The following FAT3 variants were observed in gnomAD, a reference collection of about 807,000 sequenced individuals.
The protein encoded by FAT3 is FAT atypical cadherin 3.
A neutral mutation model predicts 310.2 loss-of-function variants in FAT3; 95 were observed. That is an observed-to-expected ratio of 0.31 (90% confidence interval 0.26 to 0.36). The LOEUF is 0.36. Ranked by LOEUF, FAT3 falls within the 10% of genes least tolerant of loss-of-function variation. The probability of loss-of-function intolerance (pLI) is 1.00; values close to 1 mark genes in which losing one functional copy is unlikely to be tolerated. For missense variants in FAT3, 5,408 were observed against 5,715.6 expected, an observed-to-expected ratio of 0.95 and a Z score of 1.74; for synonymous variants, 2,314 against 2,192.9, an observed-to-expected ratio of 1.06 and a Z score of -1.54.
At position 92,353,459 on chromosome 11, in the gene FAT3, CAAGG is replaced by C. The variant is rs1948629290; in HGVS notation, c.1353_1356del (p.Gly452IlefsTer2). 6.2e-7 allele frequency: 1 copy of C among 1,613,466 alleles called. No homozygotes were observed. The highest frequency in any genetic ancestry group is 8.5e-7 in the Non-Finnish European group (1 of 1,179,756). On this transcript the variant is annotated frameshift_variant, in exon 2 of 28. Transcript: ENST00000525166. LOFTEE classifies it high-confidence loss of function. ...AGGTTTATAAACTGGAGGTGACAAA[CAAGG>C]AAGGAGATTTAAAAGCACAGGTCAC...
intron 1 of FAT3, among the ~76,000 whole-genome samples, chr11:92,291,030 A>G (rs1258596878): frequency 1.3e-5 from 2 of 151,468 alleles, no homozygotes; most frequent in African/African-American, 4.8e-5. Flanking sequence ...AACCATAGCA[A>G]AAATATCTAA....
At chr11:92,315,475 G>GTATA (rs1555009254) in intron 1 of FAT3, among the ~76,000 whole-genome samples, 32 of 76,636 alleles carry the variant, frequency 4.2e-4, no homozygotes, top group African/African-American at 1.8e-3. Context: ...GTGTGTGTGT[G>GTATA]TGTGTATATA....
intron 3 of FAT3, among the ~76,000 whole-genome samples, chr11:92,531,630 C>T (rs1591410311): frequency 6.6e-6 from 1 of 152,190 alleles, no homozygotes; most frequent in East Asian, 1.9e-4. Flanking sequence ...TCTTGCTAAC[C>T]CACTGAGAAC....
intron 7 of FAT3, among the ~76,000 whole-genome samples, chr11:92,785,488 G>A (rs1248137543): frequency 6.6e-6 from 1 of 151,752 alleles, no homozygotes; most frequent in Non-Finnish European, 1.5e-5. Context: ...TCAAAAGACT[G>A]AAAGGAAAAA....
chr11:92,820,109 T>G (rs1427941926), intron 13 of FAT3, among the ~76,000 whole-genome samples: 6 of 152,222 alleles, frequency 3.9e-5, no homozygotes, highest in African/African-American at 1.4e-4. Flanking sequence ...CAATGCTTTC[T>G]GTATTAGTCT....
chr11:92,579,187 G>A (rs972051850), intron 3 of FAT3, among the ~76,000 whole-genome samples: 1 of 152,096 alleles, frequency 6.6e-6, no homozygotes, highest in Non-Finnish European at 1.5e-5. Context: ...ATTTGGGAAA[G>A]TCCAGGAATG....
At chr11:92,744,214 C>A (rs1050855526) in intron 4 of FAT3, among the ~76,000 whole-genome samples, 6 of 152,174 alleles carry the variant, frequency 3.9e-5, no homozygotes, top group African/African-American at 1.4e-4. Context: ...ATTCTAATTT[C>A]TTTTGATTCT....
At chr11:92,787,463 G>C (rs971699659) in intron 7 of FAT3, among the ~76,000 whole-genome samples, 3 of 150,336 alleles carry the variant, frequency 2.0e-5, no homozygotes, top group African/African-American at 7.4e-5. Context: ...TATCTAGTTG[G>C]TGGCACATCT....
In FAT3 at chr11:92,355,203, G is replaced by A. The variant is rs747388173; in HGVS notation, c.3091G>A (p.Val1031Met). The part of the protein sequence containing the change: ...LSSVSFVEVE[V>M]VDVNENLHTP... Reference sequence around the variant, plus strand: ...ATCTGTTTCCTTTGTTGAGGTGGAAGTGGTGGATGTCAATGAAAACCTCCA... The same window carrying A: ...ATCTGTTTCCTTTGTTGAGGTGGAAATGGTGGATGTCAATGAAAACCTCCA... Residue 1031 changes from valine (V) to methionine (M), a missense_variant, in exon 2 of 28, where the codon GTG (valine) becomes ATG (methionine). Coordinates refer to ENST00000525166, the MANE Select transcript of FAT3 (RefSeq NM_001367949.2). 6 of 1,613,682 alleles carry A rather than the reference G, an allele frequency of 3.7e-6. No homozygotes were observed. The African/African-American group carries it at 6.7e-5, about 18-fold the overall frequency.
intron 6 of FAT3, among the ~76,000 whole-genome samples, chr11:92,773,550 TG>T (rs1473460572): frequency 6.6e-6 from 1 of 152,220 alleles, no homozygotes; most frequent in Non-Finnish European, 1.5e-5. Context: ...ATTTTATTTC[TG>T]ACGTTTAATT....
chr11:92,533,466 A>C (rs1442786533), intron 3 of FAT3, among the ~76,000 whole-genome samples: 1 of 152,298 alleles, frequency 6.6e-6, no homozygotes, highest in East Asian at 1.9e-4. Flanking sequence ...GGGCAACAGC[A>C]TGTGTTTTAC....
At chr11:92,639,251 C>CCACTA (rs1167544402) in intron 3 of FAT3, among the ~76,000 whole-genome samples, 1 of 152,134 alleles carries the variant, frequency 6.6e-6, no homozygotes, top group East Asian at 1.9e-4. Flanking sequence ...TTAGTATCTG[C>CCACTA]CACTCTAGAG....
chr11:92,470,404 A>G (rs998972250), intron 2 of FAT3, among the ~76,000 whole-genome samples: 1 of 152,192 alleles, frequency 6.6e-6, no homozygotes, highest in African/African-American at 2.4e-5. Context: ...AGTTTCAGCT[A>G]TATTTTCTAT....
intron 3 of FAT3, among the ~76,000 whole-genome samples, chr11:92,540,902 T>C (rs1954428290): frequency 6.6e-6 from 1 of 152,094 alleles, no homozygotes; most frequent in African/African-American, 2.4e-5. Flanking sequence ...TGATTTCTAG[T>C]TTTCTTCTGG....
At chr11:92,381,074 TG>T (rs1949483438) in intron 2 of FAT3, among the ~76,000 whole-genome samples, 1 of 152,208 alleles carries the variant, frequency 6.6e-6, no homozygotes, top group African/African-American at 2.4e-5. Context: ...TCCTCTCTTT[TG>T]TTTTTGTTTT....
At chr11:92,810,746 G>T (rs551645684) in intron 13 of FAT3, among the ~76,000 whole-genome samples, 2 of 152,096 alleles carry the variant, frequency 1.3e-5, no homozygotes, top group South Asian at 4.1e-4. Flanking sequence ...AGAAAAGACT[G>T]GAGTTAATTG....
At chr11:92,541,766 G>A (rs564947151) in intron 3 of FAT3, among the ~76,000 whole-genome samples, 11 of 152,056 alleles carry the variant, frequency 7.2e-5, no homozygotes, top group Non-Finnish European at 1.3e-4. Flanking sequence ...ATTTTAATGC[G>A]ATTTGATATG....
intron 2 of FAT3, among the ~76,000 whole-genome samples, chr11:92,475,549 T>C: frequency 6.6e-6 from 1 of 152,076 alleles, no homozygotes; most frequent in South Asian, 2.1e-4. Context: ...AAACTCTCAC[T>C]CTTATGTATG....
Position 92,799,270 on chromosome 11 carries a change from G to T in FAT3, c.6257G>T (p.Gly2086Val). Residue 2086 changes from glycine to valine, a missense_variant, in exon 10 of 28, where the codon GGC (glycine) becomes GTC (valine). By Grantham distance (109) the Gly-to-Val change is moderately radical. Around this residue, in one of 5 missense-constraint regions of FAT3, gnomAD observed 4,588 missense variants for 4,809.8 expected, o/e 0.95. Coordinates refer to ENST00000525166, the MANE Select transcript of FAT3 (RefSeq NM_001367949.2). ...AATGACAATTCTCCAGTCTTTGTGG[G>T]CCTCCCATACTATGCTGCTGTTCAA... ...DINDNSPVFVGLPYYAAVQVD... is the reference protein window; with the variant it reads ...DINDNSPVFVVLPYYAAVQVD... 6.2e-7 allele frequency: 1 copy of T among 1,613,914 alleles called. No individual in the cohort carries two copies. The highest frequency in any genetic ancestry group is 8.5e-7 in the Non-Finnish European group (1 of 1,179,866).
Sources: gnomAD v4.1 joint callset for allele counts (sites outside exome capture counted in the v4.1 genomes callset) on GRCh38, gnomAD v4.1.1 for gene constraint, gnomAD v4.1.1 regional missense constraint, MANE v1.5 for transcripts, NCBI Gene and HGNC (gene_info 2026-07-23, HGNC 2026-07-21) for gene names.